Variants in KIF6 observed in about 807,000 individuals in gnomAD.
KIF6 encodes the protein kinesin-like protein KIF6.
KIF6 carries 106 observed loss-of-function variants against 112.7 expected under a neutral mutation model. The ratio of observed to expected loss-of-function variants is 0.94; its 90% CI spans 0.80 to 1.11. KIF6 has a LOEUF of 1.11. KIF6 is among the 50% of genes least tolerant of loss of function. KIF6 has a pLI of 0.00. For synonymous variants in KIF6, 339 were observed against 339.9 expected, an observed-to-expected ratio of 1.00 and a Z score of 0.03; for missense variants, 929 against 964.0, an observed-to-expected ratio of 0.96 and a Z score of 0.48.
intron 22 of KIF6, among the ~76,000 whole-genome samples, chr6:39,339,004 C>T (rs1050081243): frequency 1.3e-5 from 2 of 152,080 alleles, no homozygotes; most frequent in Admixed American, 6.5e-5. Context: ...AGAGCACGCT[C>T]TGCCCCAAGA....
intron 5 of KIF6, among the ~76,000 whole-genome samples, chr6:39,615,910 C>T (rs766200681): frequency 3.2e-4 from 48 of 152,220 alleles, no homozygotes; most frequent in Non-Finnish European, 5.7e-4. Flanking sequence ...ACAACATTAA[C>T]CACACAATAA....
intron 13 of KIF6, among the ~76,000 whole-genome samples, chr6:39,445,746 G>C (rs1772269381): frequency 6.6e-6 from 1 of 152,220 alleles, no homozygotes; most frequent in Non-Finnish European, 1.5e-5. Flanking sequence ...AGAAGCAGGA[G>C]CTAGAGGAAA....
chr6:39,648,726 T>C (rs893817140), intron 3 of KIF6, among the ~76,000 whole-genome samples: 1 of 152,214 alleles, frequency 6.6e-6, no homozygotes, highest in African/African-American at 2.4e-5. Context: ...GTGCAGTCCA[T>C]GCGAATGCCG....
At chr6:39,561,585 T>G (rs893240003) in intron 10 of KIF6, among the ~76,000 whole-genome samples, 2 of 152,120 alleles carry the variant, frequency 1.3e-5, no homozygotes, top group Admixed American at 1.3e-4. Flanking sequence ...CTTGAACTCC[T>G]GACCTCAAGT....
chr6:39,675,952 G>T (rs1028365020), intron 3 of KIF6, among the ~76,000 whole-genome samples: 1 of 148,964 alleles, frequency 6.7e-6, no homozygotes, highest in Non-Finnish European at 1.5e-5. Context: ...TAAAAAGAAA[G>T]AAAATATATT....
intron 15 of KIF6, among the ~76,000 whole-genome samples, 167 bp downstream of exon 15, chr6:39,419,781 G>C (rs531607201): frequency 6.6e-6 from 1 of 152,276 alleles, no homozygotes; most frequent in South Asian, 2.1e-4. Flanking sequence ...TGGGTGGTGG[G>C]AGGGATCACA....
At chr6:39,368,275 A>G (rs937058272) in intron 16 of KIF6, among the ~76,000 whole-genome samples, 6 of 152,180 alleles carry the variant, frequency 3.9e-5, no homozygotes, top group African/African-American at 1.4e-4. Flanking sequence ...CAGCTGCTAC[A>G]TGGGTTAGGA....
intron 7 of KIF6, 129 bp from the exon 8 acceptor site, chr6:39,586,533 T>C (rs1027153955): frequency 1.2e-5 from 8 of 680,816 alleles, no homozygotes; most frequent in Admixed American, 2.5e-5. Flanking sequence ...AGCCCAAAAC[T>C]TAAGTACAGA....
chr6:39,603,059 T>G (rs575302603), intron 6 of KIF6, among the ~76,000 whole-genome samples: 5 of 152,278 alleles, frequency 3.3e-5, no homozygotes, highest in African/African-American at 1.2e-4. Flanking sequence ...GGAACATTGT[T>G]TAAATAGTGT....
intron 13 of KIF6, among the ~76,000 whole-genome samples, chr6:39,477,175 A>G (rs1322449028): frequency 6.6e-6 from 1 of 152,162 alleles, no homozygotes; most frequent in Non-Finnish European, 1.5e-5. Flanking sequence ...ATTTCACCTA[A>G]TAGAGCAGAA....
chr6:39,552,214 C>T, intron 10 of KIF6, among the ~76,000 whole-genome samples: 1 of 152,184 alleles, frequency 6.6e-6, no homozygotes, highest in Admixed American at 6.5e-5. Flanking sequence ...TGATAGTCAA[C>T]CATGTCCTGA....
Position 39,343,468 on chromosome 6 carries a change from A to C in KIF6, c.2428+241T>G. 6.8e-7 allele frequency: 1 copy of C among 1,470,396 alleles called. No individual in the cohort carries two copies. The highest frequency in any genetic ancestry group is 9.0e-7 in the Non-Finnish European group (1 of 1,105,384). The allele number at this position is 1,470,396 out of a possible 1,614,324, so 91.1% of individuals were successfully genotyped here. ...GAGACAGAGAGCAAGCTCTGCCAAG[A>C]GGGACAGGAGCACCTGGGCCGCCCA... On this transcript the variant is annotated intron_variant, in intron 22 of 22. Coordinates refer to ENST00000287152, the MANE Select transcript of KIF6 (RefSeq NM_145027.6). This position sits in a 1 kb window ranked among gnomAD's most constrained non-coding sequence, Gnocchi z 4.1.
chr6:39,445,052 T>C (rs1237336140), intron 13 of KIF6, among the ~76,000 whole-genome samples: 1 of 152,200 alleles, frequency 6.6e-6, no homozygotes, highest in Non-Finnish European at 1.5e-5. Context: ...AATCCTTGAC[T>C]CTGCCATTAA....
chr6:39,360,969 T>A (rs1489092114), intron 17 of KIF6, among the ~76,000 whole-genome samples: 1 of 152,198 alleles, frequency 6.6e-6, no homozygotes, highest in African/African-American at 2.4e-5. Flanking sequence ...ACTTGCTCTA[T>A]GGGACAGAGA....
intron 6 of KIF6, among the ~76,000 whole-genome samples, chr6:39,604,978 G>T (rs1328619292): frequency 6.6e-6 from 1 of 152,106 alleles, no homozygotes; most frequent in Non-Finnish European, 1.5e-5. Flanking sequence ...GCAAATTAAA[G>T]TCAAACACAT....
chr6:39,442,595 C>T (rs575747959), intron 13 of KIF6, among the ~76,000 whole-genome samples: 5 of 152,258 alleles, frequency 3.3e-5, no homozygotes, highest in African/African-American at 9.6e-5. Context: ...TAAGACAGCA[C>T]GCTGTGGCTC....
At chr6:39,625,937 A>G (rs1439933947) in intron 5 of KIF6, among the ~76,000 whole-genome samples, 1 of 152,118 alleles carries the variant, frequency 6.6e-6, no homozygotes, top group East Asian at 1.9e-4. Flanking sequence ...TCTTTCTGAG[A>G]TAGGGATACA....
At chr6:39,484,202 T>C (rs756105036) in intron 13 of KIF6, among the ~76,000 whole-genome samples, 3 of 152,212 alleles carry the variant, frequency 2.0e-5, no homozygotes, top group Non-Finnish European at 4.4e-5. Flanking sequence ...GTGGTCAACT[T>C]ACTTGTTGTC....
At chr6:39,652,065 AC>A (rs1356769186) in intron 3 of KIF6, among the ~76,000 whole-genome samples, 2 of 152,254 alleles carry the variant, frequency 1.3e-5, no homozygotes, top group East Asian at 3.9e-4. Flanking sequence ...GGCAAAAATC[AC>A]ACGAGGAGTC....
Sources: gnomAD v4.1 joint callset for allele counts (sites outside exome capture counted in the v4.1 genomes callset) on GRCh38, gnomAD v4.1.1 for gene constraint, Gnocchi (gnomAD v3.1) non-coding constraint, MANE v1.5 for transcripts, NCBI Gene and HGNC (gene_info 2026-07-23, HGNC 2026-07-21) for gene names.